Variants in GPHN observed in about 807,000 individuals in gnomAD.
GPHN encodes the protein gephyrin.
In GPHN, 17 loss-of-function variants were observed where a neutral mutation model predicts 95.5. That is an observed-to-expected ratio of 0.18 (90% CI 0.12 to 0.27). The LOEUF (loss-of-function observed/expected upper bound fraction) is 0.27. GPHN is among the 10% of genes least tolerant of loss of function. The pLI is 1.00. For synonymous variants in GPHN, 320 were observed against 322.5 expected, an observed-to-expected ratio of 0.99 and a Z score of 0.08; for missense variants, 660 against 978.1, an observed-to-expected ratio of 0.67 and a Z score of 4.34.
chr14:67,345,089 A>G, the GPHN span, among the ~76,000 whole-genome samples: 1 of 151,752 alleles, frequency 6.6e-6, no homozygotes, highest in African/African-American at 2.4e-5. Flanking sequence ...AAAAAATACA[A>G]AAATTAGCTA....
chr14:67,578,547 T>A, the GPHN span: 1 of 1,610,098 alleles, frequency 6.2e-7, no homozygotes, highest in Non-Finnish European at 8.5e-7. The surrounding 1 kb of genome is among the most constrained non-coding windows in gnomAD (Gnocchi z 5.0). Context: ...TGGCAGCTCC[T>A]CGCTCTGTGT....
chr14:66,828,371 T>C (rs1596046131), intron 4 of GPHN, among the ~76,000 whole-genome samples: 1 of 152,198 alleles, frequency 6.6e-6, no homozygotes, highest in Non-Finnish European at 1.5e-5. Context: ...AATTTAGAAA[T>C]ATAATCCTCG....
intron 13 of GPHN, among the ~76,000 whole-genome samples, chr14:67,102,506 C>T (rs1338672237): frequency 1.3e-5 from 2 of 151,548 alleles, no homozygotes; most frequent in Non-Finnish European, 2.9e-5. Context: ...ACTGAAAATA[C>T]AAAATGAGCC....
intron 6 of GPHN, among the ~76,000 whole-genome samples, chr14:66,921,249 C>G (rs1348639110): frequency 6.6e-6 from 1 of 152,136 alleles, no homozygotes; most frequent in Admixed American, 6.6e-5. Context: ...CGCATCCATG[C>G]CAACATCTAC....
chr14:66,576,533 C>G (rs1271118426), intron 1 of GPHN, among the ~76,000 whole-genome samples: 1 of 151,674 alleles, frequency 6.6e-6, no homozygotes, highest in Non-Finnish European at 1.5e-5. Flanking sequence ...AATAATATCT[C>G]TAATAACAGG....
the GPHN span, among the ~76,000 whole-genome samples, chr14:67,610,348 A>T: frequency 4.6e-5 from 7 of 152,186 alleles, no homozygotes; most frequent in African/African-American, 1.7e-4. Context: ...TTTAGTTTAT[A>T]GCTAAACTTT....
At chr14:67,521,363 G>T in the GPHN span, among the ~76,000 whole-genome samples, 2 of 152,174 alleles carry the variant, frequency 1.3e-5, no homozygotes, top group Non-Finnish European at 2.9e-5. Context: ...ATGTCACAGA[G>T]GGATGGAAAG....
intron 2 of GPHN, among the ~76,000 whole-genome samples, chr14:66,764,741 A>T (rs2058897697): frequency 6.6e-6 from 1 of 152,120 alleles, no homozygotes; most frequent in African/African-American, 2.4e-5. Context: ...AAAATCAGTA[A>T]ATCTATTGTA....
rs1157579252 is a variant in GPHN at position 66,922,934 on chromosome 14, C to T, written c.725C>T (p.Ala242Val). ...CATATAACTGCAGCAGCCATTGCTGCCAAGGTAAGCCTGATGAGAGTTACT... is the reference window on the plus strand; with the variant it reads ...CATATAACTGCAGCAGCCATTGCTGTCAAGGTAAGCCTGATGAGAGTTACT... ...SSHITAAAIA[A>V]KKHPFYTSPA... Residue 242 changes from alanine to valine, a missense_variant, in exon 7 of 23, where the codon GCC (alanine) becomes GTC (valine). By Grantham distance (64) the Ala-to-Val change is moderately conservative. This residue lies in a region of GPHN where 190 missense variants were observed against 224.7 expected (regional missense o/e 0.85). Transcript: ENST00000478722. 3 of 1,611,662 alleles carry T rather than the reference C, an allele frequency of 1.9e-6. No individual in the cohort carries two copies. Among genetic ancestry groups the T allele is most frequent in the Non-Finnish European group, 2.5e-6 (3 of 1,179,592 alleles).
At chr14:66,852,071 A>G (rs1406400626) in intron 4 of GPHN, among the ~76,000 whole-genome samples, 2 of 152,244 alleles carry the variant, frequency 1.3e-5, no homozygotes, top group Non-Finnish European at 2.9e-5. Context: ...AAATGTGTGC[A>G]ATAAAGAAAA....
the GPHN span, among the ~76,000 whole-genome samples, chr14:67,414,325 C>G: frequency 1.3e-5 from 2 of 152,228 alleles, no homozygotes; most frequent in Non-Finnish European, 2.9e-5. Flanking sequence ...CTCACTGGAT[C>G]TGGGGCATGA....
At chr14:67,157,636 C>G (rs1000961323) in intron 18 of GPHN, among the ~76,000 whole-genome samples, 2 of 152,058 alleles carry the variant, frequency 1.3e-5, no homozygotes, top group African/African-American at 4.8e-5. Flanking sequence ...CCAGCCTGGC[C>G]AACATGGTGA....
chr14:67,710,513 C>T, the GPHN span, among the ~76,000 whole-genome samples: 2 of 152,222 alleles, frequency 1.3e-5, no homozygotes, highest in South Asian at 4.1e-4. Flanking sequence ...AATAACCAGT[C>T]ATGTCATTTT....
intron 2 of GPHN, among the ~76,000 whole-genome samples, chr14:66,725,486 T>C (rs1432174666): frequency 6.6e-6 from 1 of 152,148 alleles, no homozygotes; most frequent in African/African-American, 2.4e-5. Context: ...GTTTGTTTGT[T>C]TGTTTTGTTT....
chr14:67,583,840 C>T, the GPHN span: 4 of 1,613,486 alleles, frequency 2.5e-6, no homozygotes, highest in Non-Finnish European at 3.4e-6. Flanking sequence ...AGACAGGTTC[C>T]ACCCCAGGCG....
intron 16 of GPHN, among the ~76,000 whole-genome samples, chr14:67,118,701 C>CA (rs1474895627): frequency 2.0e-5 from 3 of 151,622 alleles, no homozygotes; most frequent in Non-Finnish European, 4.4e-5. Context: ...GCACTCACTA[C>CA]AGCCAGGGCG....
intron 3 of GPHN, among the ~76,000 whole-genome samples, chr14:66,811,914 A>C (rs1165746937): frequency 6.6e-6 from 1 of 152,212 alleles, no homozygotes; most frequent in East Asian, 1.9e-4. Context: ...AACTATCTGA[A>C]AGCACTGGAG....
chr14:66,816,840 C>G (rs998236887), intron 3 of GPHN, among the ~76,000 whole-genome samples: 3 of 151,888 alleles, frequency 2.0e-5, no homozygotes, highest in African/African-American at 4.8e-5. Context: ...GAAAAAATGT[C>G]TTTTGTAATG....
chr14:66,868,290 A>G (rs559349584), intron 4 of GPHN, among the ~76,000 whole-genome samples: 2 of 152,310 alleles, frequency 1.3e-5, no homozygotes, highest in African/African-American at 4.8e-5. Flanking sequence ...CTGTTAATAA[A>G]ATCATGTCTA....
Sources: allele counts gnomAD v4.1 joint callset (sites outside exome capture counted in the v4.1 genomes callset), GRCh38; gene constraint gnomAD v4.1.1; regional missense constraint gnomAD v4.1.1; non-coding constraint Gnocchi (gnomAD v3.1); transcripts MANE v1.5; gene names NCBI Gene and HGNC (gene_info 2026-07-23, HGNC 2026-07-21).